The following SHROOM4 variants were observed in gnomAD, a reference collection of about 807,000 sequenced individuals.
The protein encoded by SHROOM4 is shroom family member 4, also known as protein Shroom4.
In SHROOM4, 17 loss-of-function variants were observed where a neutral mutation model predicts 80.3. That is an observed-to-expected ratio of 0.21 (90% CI 0.14 to 0.32). The LOEUF (loss-of-function observed/expected upper bound fraction) is 0.32, where lower values mean the gene tolerates loss of function less well. SHROOM4 is among the 10% of genes least tolerant of loss of function. The pLI, the probability that SHROOM4 is intolerant of heterozygous loss-of-function variation, is 1.00. For missense variants in SHROOM4, 993 were observed against 1,140.3 expected (o/e 0.87, Z 1.86); for synonymous variants, 400 against 437.5 (o/e 0.91, Z 1.07).
chrX:50,807,970 T>C (rs1204718513), intron 1 of SHROOM4, among the ~76,000 whole-genome samples: 5 of 111,244 alleles, frequency 4.5e-5, no homozygotes, highest in African/African-American at 1.6e-4. Context: ...TCAACTGTGG[T>C]CAGATTCTCC....
Position 50,590,802 on chromosome X carries a change from A to G in SHROOM4, c.*5893T>C, listed in dbSNP as rs943261983. ...ATTACAATCTGTTAACCCATTTTTAATTGGTTATTTTTATCATTGAGTTGT... is the reference window on the plus strand; with the variant it reads ...ATTACAATCTGTTAACCCATTTTTAGTTGGTTATTTTTATCATTGAGTTGT... On this transcript the variant is annotated 3_prime_UTR_variant, in exon 9 of 9. Coordinates refer to ENST00000376020, the MANE Select transcript of SHROOM4 (RefSeq NM_020717.5). Among the ~76,000 whole-genome samples, 4 of 112,309 alleles carry G rather than the reference A, an allele frequency of 3.6e-5. No homozygotes were observed. Among genetic ancestry groups the G allele is most frequent in the African/African-American group, 9.7e-5 (3 of 30,993 alleles).
At chrX:50,712,367 T>C (rs2147494909) in intron 1 of SHROOM4, among the ~76,000 whole-genome samples, 1 of 111,996 alleles carries the variant, frequency 8.9e-6, no homozygotes, top group South Asian at 3.7e-4. Flanking sequence ...CTGGTAACCA[T>C]CCTTCTACAA....
At chrX:50,751,959 A>G (rs1325223578) in intron 1 of SHROOM4, among the ~76,000 whole-genome samples, 4 of 112,120 alleles carry the variant, frequency 3.6e-5, no homozygotes, top group African/African-American at 1.3e-4. Flanking sequence ...CCCTAAGAAT[A>G]TGTAACGTGC....
chrX:50,600,968 C>T (rs1929369220), intron 7 of SHROOM4, among the ~76,000 whole-genome samples: 1 of 111,863 alleles, frequency 8.9e-6, no homozygotes, highest in Non-Finnish European at 1.9e-5. Context: ...TGGAAAATCA[C>T]CTTCTTACCC....
At chrX:50,702,345 C>T (rs1933539170) in intron 1 of SHROOM4, among the ~76,000 whole-genome samples, 1 of 111,192 alleles carries the variant, frequency 9.0e-6, no homozygotes, top group Non-Finnish European at 1.9e-5. Context: ...CTTAGAGACT[C>T]CGAAGAGAAA....
intron 5 of SHROOM4, among the ~76,000 whole-genome samples, chrX:50,610,438 C>G (rs1929919832): frequency 1.8e-5 from 2 of 110,424 alleles, no homozygotes; most frequent in Non-Finnish European, 3.8e-5. Context: ...GGCAGAGAAG[C>G]CTTTCCTGAC....
intron 2 of SHROOM4, among the ~76,000 whole-genome samples, chrX:50,644,238 G>A (rs1557257613): frequency 8.9e-6 from 1 of 112,512 alleles, no homozygotes; most frequent in African/African-American, 3.2e-5. Flanking sequence ...CATTAGCAAT[G>A]CTGGAAATGT....
chrX:50,656,974 T>C (rs1932335162), intron 2 of SHROOM4, among the ~76,000 whole-genome samples: 1 of 111,416 alleles, frequency 9.0e-6, no homozygotes, highest in South Asian at 3.7e-4. Flanking sequence ...TACAGATTTT[T>C]ACCTCATTGA....
At chrX:50,674,247 A>G (rs1557261097) in intron 2 of SHROOM4, among the ~76,000 whole-genome samples, 2 of 111,449 alleles carry the variant, frequency 1.8e-5, no homozygotes, top group Non-Finnish European at 3.8e-5. Flanking sequence ...CAATTGTTCC[A>G]GAAAGGCAGA....
intron 1 of SHROOM4, among the ~76,000 whole-genome samples, chrX:50,777,101 T>G (rs782386864): frequency 8.9e-6 from 1 of 111,842 alleles, no homozygotes; most frequent in South Asian, 3.7e-4. Context: ...ATTTATTTAG[T>G]TTCCCCTCAC....
chrX:50,728,100 C>G (rs1212960911), intron 1 of SHROOM4, among the ~76,000 whole-genome samples: 1 of 111,613 alleles, frequency 9.0e-6, no homozygotes, highest in Admixed American at 9.5e-5. Flanking sequence ...ATAGAAATAG[C>G]CCAAATCCCA....
chrX:50,627,636 T>C lies in SHROOM4; in HGVS notation c.2935A>G (p.Arg979Gly). 1.1e-5 allele frequency: 13 copies of C among 1,211,183 alleles called. No homozygotes were observed. Among genetic ancestry groups the C allele is most frequent in the Non-Finnish European group, 1.5e-5 (13 of 894,929 alleles). ...TACCTCCCTGACTGGCTGGTCTTCC[T>C]GTTTCCTGTTATTGGATTCCATTTG... ...GDKWNPITGN[R>G]KTSQSGREMA... The change falls in exon 5 of 9, where the codon AGG becomes GGG. Residue 979 changes from arginine (R) to glycine (G), a missense_variant. By Grantham distance (125) the Arg-to-Gly change is moderately radical. Transcript: ENST00000376020.
chrX:50,718,240 A>C (rs781983180), intron 1 of SHROOM4, among the ~76,000 whole-genome samples: 2 of 112,283 alleles, frequency 1.8e-5, no homozygotes, highest in South Asian at 3.8e-4. Context: ...CAATTTGCTG[A>C]TATCTGTGTG....
intron 3 of SHROOM4, among the ~76,000 whole-genome samples, chrX:50,636,346 C>G (rs1420621445): frequency 4.5e-5 from 5 of 110,867 alleles, no homozygotes; most frequent in African/African-American, 1.3e-4. Flanking sequence ...CAAGAACACC[C>G]AGCTCTAACT....
In SHROOM4 at chrX:50,694,809, T is replaced by C. The variant is rs1386942011; in HGVS notation, c.269+977A>G. On this transcript the variant is annotated intron_variant, in intron 2 of 8. Coordinates refer to ENST00000376020, the MANE Select transcript of SHROOM4 (RefSeq NM_020717.5). ...ATGGCAGGTGGAGAAGTGGAGATAG[T>C]GACTATAGACTCTTCCTTTGAGACT... Among the ~76,000 whole-genome samples the C allele has an allele frequency of 7.4e-5, 8 of 108,045 alleles. No homozygotes were observed. In the South Asian group the frequency reaches 3.3e-3, roughly 45 times the overall value. 93.8% of individuals were successfully genotyped at this position (108,045 alleles called of 115,157 possible). A position where few individuals can be genotyped will look rare whatever the true frequency, so the allele number is the denominator to read the frequency against.
the SHROOM4 span, among the ~76,000 whole-genome samples, chrX:50,578,213 A>G: frequency 8.9e-6 from 1 of 112,832 alleles, no homozygotes; most frequent in African/African-American, 3.2e-5. Context: ...CATTGAATAC[A>G]AGACAATATT....
At chrX:50,619,688 C>T (rs1557251659) in intron 5 of SHROOM4, among the ~76,000 whole-genome samples, 1 of 111,817 alleles carries the variant, frequency 8.9e-6, no homozygotes, top group African/African-American at 3.3e-5. Context: ...CCAATGACCC[C>T]AATCTATATT....
Position 50,593,703 on chromosome X carries a change from C to A in SHROOM4, c.*2992G>T, listed in dbSNP as rs1378476327. 2 of 112,470 alleles carry A rather than the reference C, an allele frequency of 1.8e-5. No homozygotes were observed. Among genetic ancestry groups the A allele is most frequent in the Non-Finnish European group, 3.8e-5 (2 of 53,308 alleles). 9.3% of individuals were successfully genotyped at this position (112,470 alleles called of 1,213,427 possible). On this transcript the variant is annotated 3_prime_UTR_variant, in exon 9 of 9. Transcript: ENST00000376020. ...GCAGAGCAGCACTGTCAGGGAGGGTCGGGTTCAGGATGTGGCTCTGGTGTG... is the reference window on the plus strand; with the variant it reads ...GCAGAGCAGCACTGTCAGGGAGGGTAGGGTTCAGGATGTGGCTCTGGTGTG...
At chrX:50,657,366 G>C (rs1413299184) in intron 2 of SHROOM4, among the ~76,000 whole-genome samples, 2 of 111,227 alleles carry the variant, frequency 1.8e-5, no homozygotes, top group Non-Finnish European at 3.8e-5. Context: ...TTCCACCATG[G>C]AATATAATGT....
Sources: allele counts gnomAD v4.1 joint callset (sites outside exome capture counted in the v4.1 genomes callset), GRCh38; gene constraint gnomAD v4.1.1; transcripts MANE v1.5; gene names NCBI Gene and HGNC (gene_info 2026-07-23, HGNC 2026-07-21).